TRDN: variants seen among roughly 807,000 people sequenced by gnomAD.
The protein encoded by TRDN is triadin.
TRDN carries 161 observed loss-of-function variants against 149.7 expected under a neutral mutation model. The observed-to-expected ratio is 1.08, with a 90% confidence interval of 0.95 to 1.23. TRDN has a LOEUF of 1.23. Ranked by LOEUF, TRDN falls within the 50% of genes most tolerant of loss-of-function variation. TRDN has a pLI of 0.00. For synonymous variants in TRDN, 294 were observed against 250.5 expected (o/e 1.17, Z -1.64); for missense variants, 896 against 823.5 (o/e 1.09, Z -1.08).
At chr6:123,314,303 A>G (rs1778943935) in intron 24 of TRDN, among the ~76,000 whole-genome samples, 1 of 151,996 alleles carries the variant, frequency 6.6e-6, no homozygotes. Flanking sequence ...CAATGAGACC[A>G]TCTCACACCA....
intron 1 of TRDN, among the ~76,000 whole-genome samples, chr6:123,608,890 A>T (rs1349982201): frequency 6.6e-6 from 1 of 152,074 alleles, no homozygotes; most frequent in East Asian, 1.9e-4. Flanking sequence ...AAATGGAAGC[A>T]GGCTGGGCTC....
At chr6:123,624,711 T>G (rs1583341766) in intron 1 of TRDN, among the ~76,000 whole-genome samples, 1 of 152,300 alleles carries the variant, frequency 6.6e-6, no homozygotes, top group East Asian at 1.9e-4. Context: ...GTTTAATGAT[T>G]ACCTTTCTGA....
At chr6:123,465,315 A>G (rs1257970753) in intron 9 of TRDN, among the ~76,000 whole-genome samples, 2 of 152,204 alleles carry the variant, frequency 1.3e-5, no homozygotes, top group Admixed American at 1.3e-4. Context: ...TAAGTTATGG[A>G]AACTAAAATC....
intron 9 of TRDN, among the ~76,000 whole-genome samples, chr6:123,479,013 G>T (rs1777624640): frequency 6.6e-6 from 1 of 152,110 alleles, no homozygotes; most frequent in South Asian, 2.1e-4. Context: ...TACATATTTA[G>T]TAAAGGAAAG....
intron 8 of TRDN, among the ~76,000 whole-genome samples, chr6:123,501,241 G>A (rs1778685518): frequency 6.6e-6 from 1 of 151,968 alleles, no homozygotes; most frequent in Admixed American, 6.6e-5. Flanking sequence ...TAATAAATAT[G>A]TGTCCCATGT....
intron 33 of TRDN, among the ~76,000 whole-genome samples, chr6:123,260,939 C>G (rs1582790853): frequency 6.6e-6 from 1 of 151,566 alleles, no homozygotes; most frequent in Non-Finnish European, 1.5e-5. Flanking sequence ...GATAGAACAA[C>G]AGGCTGATTA....
At chr6:123,255,197 T>G in intron 36 of TRDN, 72 bp from the exon 37 acceptor site, 1 of 696,060 alleles carries the variant, frequency 1.4e-6, no homozygotes, top group Admixed American at 3.3e-5. Context: ...TTGTCTCACA[T>G]CAACGAATGA....
intron 1 of TRDN, among the ~76,000 whole-genome samples, chr6:123,610,756 C>T (rs1784767843): frequency 6.6e-6 from 1 of 152,032 alleles, no homozygotes; most frequent in Non-Finnish European, 1.5e-5. Flanking sequence ...TCTCTGGAAA[C>T]AAAGTTAAAT....
intron 4 of TRDN, among the ~76,000 whole-genome samples, chr6:123,543,714 T>C (rs1780967663): frequency 6.6e-6 from 1 of 152,162 alleles, no homozygotes; most frequent in African/African-American, 2.4e-5. Flanking sequence ...ATGTTGACAT[T>C]TAAAAATAAA....
rs77899670 is a variant in TRDN, at chr6:123,457,110, C to T, written c.931+7796G>A. ...GCTCAAATTCACAAACTGTGTCATCCTTCTTCTTTGGTCTTTTACAAGTCA... is the reference window on the plus strand; with the variant it reads ...GCTCAAATTCACAAACTGTGTCATCTTTCTTCTTTGGTCTTTTACAAGTCA... On this transcript the variant is annotated intron_variant, in intron 10 of 40. Coordinates refer to ENST00000334268, the MANE Select transcript of TRDN (RefSeq NM_006073.4). Among the ~76,000 whole-genome samples the T allele has an allele frequency of 7.2e-5, 11 of 152,256 alleles. No individual in the cohort carries two copies. In the East Asian group the frequency reaches 2.1e-3, roughly 29 times the overall value.
intron 38 of TRDN, among the ~76,000 whole-genome samples, chr6:123,249,292 C>T (rs902129891): frequency 6.6e-6 from 1 of 151,728 alleles, no homozygotes; most frequent in East Asian, 1.9e-4. Context: ...AATATGTTGA[C>T]GAGGATGTGG....
In TRDN at chr6:123,352,007, T is replaced by C. The variant is rs916051733; in HGVS notation, c.1369+532A>G. 3.3e-5 allele frequency: 32 copies of C among 978,324 alleles called. No homozygotes were observed. In the Admixed American group the frequency reaches 6.8e-4, roughly 21 times the overall value. 60.6% of individuals were successfully genotyped at this position (978,324 alleles called of 1,614,324 possible). On this transcript the variant is annotated intron_variant, in intron 21 of 40. Coordinates refer to ENST00000334268, the MANE Select transcript of TRDN (RefSeq NM_006073.4). ...ATGCATTAACTATTTTATACCATTA[T>C]GATTTATAACACTGAAATTTCAGAC... is the stretch of plus-strand genomic sequence containing the variant.
chr6:123,487,851 T>C (rs1477134241), intron 9 of TRDN, among the ~76,000 whole-genome samples: 2 of 152,090 alleles, frequency 1.3e-5, no homozygotes, highest in Non-Finnish European at 2.9e-5. Context: ...TTATCCATCT[T>C]TCAAGTTCTA....
chr6:123,608,728 T>C (rs577995617), intron 1 of TRDN, among the ~76,000 whole-genome samples: 2 of 152,330 alleles, frequency 1.3e-5, no homozygotes, highest in South Asian at 4.1e-4. Flanking sequence ...ATATGGTTGT[T>C]AAAACTGGGA....
At chr6:123,463,346 AAAAAAAT>A (rs1235209350) in intron 10 of TRDN, among the ~76,000 whole-genome samples, 3 of 142,880 alleles carry the variant, frequency 2.1e-5, no homozygotes, top group African/African-American at 7.6e-5. Flanking sequence ...TCAAGAAAAA[AAAAAAAT>A]AAATAATAAA....
chr6:123,443,616 T>C (rs78224760), intron 10 of TRDN, among the ~76,000 whole-genome samples: 22,613 of 151,660 alleles, frequency 0.15, 2,373 homozygotes, highest in African/African-American at 0.3. Flanking sequence ...CAAGGGGAAA[T>C]CCCGTCACGA....
At chr6:123,247,943 C>G (rs146861851) in intron 38 of TRDN, among the ~76,000 whole-genome samples, 72 of 152,098 alleles carry the variant, frequency 4.7e-4, no homozygotes, top group Admixed American at 1.0e-3. Flanking sequence ...GAAATAACAC[C>G]ACACATCTAC....
intron 23 of TRDN, among the ~76,000 whole-genome samples, chr6:123,328,055 T>C (rs1486995799): frequency 6.6e-6 from 1 of 152,186 alleles, no homozygotes; most frequent in African/African-American, 2.4e-5. Flanking sequence ...TCTAAATCAC[T>C]CCATATTTTC....
At chr6:123,448,942 G>A (rs373050055) in intron 10 of TRDN, among the ~76,000 whole-genome samples, 4 of 152,070 alleles carry the variant, frequency 2.6e-5, no homozygotes, top group African/African-American at 7.2e-5. Flanking sequence ...GGGTAGACGC[G>A]CTGGGTGGCT....
Sources: gnomAD v4.1 joint callset for allele counts (sites outside exome capture counted in the v4.1 genomes callset) on GRCh38, gnomAD v4.1.1 for gene constraint, MANE v1.5 for transcripts, NCBI Gene and HGNC (gene_info 2026-07-23, HGNC 2026-07-21) for gene names.